Variants in AOPEP observed in about 807,000 individuals in gnomAD.
AOPEP encodes aminopeptidase O (putative), also known as aminopeptidase O.
Under a neutral mutation model 98.1 loss-of-function variants are expected in AOPEP, and 77 were observed. The observed-to-expected ratio is 0.78, with a 90% CI of 0.65 to 0.95. The LOEUF is 0.95. Among genes scored for constraint, AOPEP ranks in the 40% least tolerant of loss-of-function variants. The probability of loss-of-function intolerance (pLI) is 0.00; values close to 1 mark genes in which losing one functional copy is unlikely to be tolerated. For synonymous variants in AOPEP, 346 were observed against 365.3 expected, an observed-to-expected ratio of 0.95 and a Z score of 0.60; for missense variants, 1,024 against 1,024.7, an observed-to-expected ratio of 1.00 and a Z score of 0.01.
intron 5 of AOPEP, among the ~76,000 whole-genome samples, chr9:94,862,439 A>G (rs957062919): frequency 2.6e-5 from 4 of 152,172 alleles, no homozygotes; most frequent in South Asian, 2.1e-4. Flanking sequence ...CTGAGAAACC[A>G]TGTCCTGAGA....
At chr9:94,815,006 G>A (rs1851396688) in intron 5 of AOPEP, among the ~76,000 whole-genome samples, 1 of 152,156 alleles carries the variant, frequency 6.6e-6, no homozygotes, top group African/African-American at 2.4e-5. Context: ...ACGCTTGTGT[G>A]GGAAATTATT....
At chr9:95,043,905 G>A (rs1021819533) in intron 13 of AOPEP, among the ~76,000 whole-genome samples, 3 of 152,180 alleles carry the variant, frequency 2.0e-5, no homozygotes, top group Non-Finnish European at 4.4e-5. Context: ...TGATCCACCA[G>A]CCTCAGCAAA....
intron 5 of AOPEP, among the ~76,000 whole-genome samples, chr9:94,863,513 C>A (rs1289768039): frequency 6.6e-6 from 1 of 152,072 alleles, no homozygotes; most frequent in Non-Finnish European, 1.5e-5. Context: ...AACTCCTAAC[C>A]TCAGGTGATC....
At chr9:95,058,267 T>G (rs551308341) in intron 13 of AOPEP, among the ~76,000 whole-genome samples, 1 of 152,344 alleles carries the variant, frequency 6.6e-6, no homozygotes, top group East Asian at 1.9e-4. Context: ...TACTCAGGGT[T>G]TCTTTGCTCT....
intron 5 of AOPEP, among the ~76,000 whole-genome samples, chr9:94,867,941 C>T (rs2045892572): frequency 1.3e-5 from 2 of 152,134 alleles, no homozygotes; most frequent in South Asian, 2.1e-4. Context: ...AATGAGAGGC[C>T]GGACAGAGTA....
intron 5 of AOPEP, chr9:94,824,738 G>C (rs1204059347): frequency 6.6e-6 from 1 of 152,068 alleles, no homozygotes; most frequent in African/African-American, 2.4e-5. Flanking sequence ...CTTTTAACTT[G>C]GTGGAGAAAA....
the AOPEP span, among the ~76,000 whole-genome samples, chr9:95,128,249 C>T: frequency 2.6e-5 from 4 of 152,130 alleles, no homozygotes; most frequent in South Asian, 2.1e-4. Flanking sequence ...GAAAAGCAAC[C>T]GTATGTCTTG....
chr9:94,947,062 C>T (rs1177414991), intron 7 of AOPEP, among the ~76,000 whole-genome samples: 47 of 149,722 alleles, frequency 3.1e-4, no homozygotes, highest in African/African-American at 8.1e-4. Flanking sequence ...CTGCAAGCTC[C>T]GCCTCCTGGG....
intron 12 of AOPEP, 145 bp from the exon 13 acceptor site, chr9:95,005,397 C>T: frequency 1.1e-6 from 1 of 906,670 alleles, no homozygotes; most frequent in Non-Finnish European, 1.7e-6. Flanking sequence ...AGGCGCCCGG[C>T]GAGTTCCGCG....
At chr9:94,826,854 G>A (rs1489043534) in intron 5 of AOPEP, among the ~76,000 whole-genome samples, 2 of 152,120 alleles carry the variant, frequency 1.3e-5, no homozygotes, top group Non-Finnish European at 2.9e-5. Context: ...GTGATGAGTG[G>A]TCATGGCAAC....
chr9:95,071,529 C>T (rs375490504), intron 14 of AOPEP, among the ~76,000 whole-genome samples: 44 of 152,190 alleles, frequency 2.9e-4, no homozygotes, highest in African/African-American at 9.6e-4. Context: ...AGGAGCCATA[C>T]GTGCTTTTCT....
the AOPEP span, among the ~76,000 whole-genome samples, chr9:95,115,325 C>T: frequency 1.2e-4 from 19 of 152,146 alleles, no homozygotes; most frequent in Admixed American, 3.3e-4. Flanking sequence ...TGCCGGGTTG[C>T]GGATGCCCTA....
intron 1 of AOPEP, among the ~76,000 whole-genome samples, chr9:94,741,543 T>C (rs1319243338): frequency 6.6e-6 from 1 of 152,256 alleles, no homozygotes; most frequent in Non-Finnish European, 1.5e-5. Flanking sequence ...AGTGTTGAGA[T>C]TACGGGTGTG....
In AOPEP at chr9:94,915,005, C is replaced by A. The variant is rs115807605; in HGVS notation, c.1365-8981C>A. Among the ~76,000 whole-genome samples the A allele has an allele frequency of 4.5e-3, 681 of 152,336 alleles. 5 individuals carry two copies. The highest frequency in any genetic ancestry group is 0.016 in the African/African-American group (652 of 41,564). On this transcript the variant is annotated intron_variant, in intron 5 of 16. Transcript: ENST00000375315. ...GCTGTTTTCTTATCTAGCGGACCTACCTCCCGGTGCTTCTGATACCCGCTG... is the reference window on the plus strand; with the variant it reads ...GCTGTTTTCTTATCTAGCGGACCTAACTCCCGGTGCTTCTGATACCCGCTG...
intron 5 of AOPEP, among the ~76,000 whole-genome samples, chr9:94,844,225 T>A (rs936442455): frequency 6.6e-6 from 1 of 152,144 alleles, no homozygotes; most frequent in Admixed American, 6.6e-5. Flanking sequence ...CCAGCTAATT[T>A]TTCTGCTTTT....
At chr9:94,844,355 G>T (rs945188712) in intron 5 of AOPEP, among the ~76,000 whole-genome samples, 1 of 152,168 alleles carries the variant, frequency 6.6e-6, no homozygotes, top group Non-Finnish European at 1.5e-5. Context: ...ACTTTGAAAA[G>T]AAATTTGTAA....
chr9:95,101,766 T>G, the AOPEP span: 2 of 1,614,148 alleles, frequency 1.2e-6, no homozygotes, highest in Non-Finnish European at 1.7e-6. Context: ...GATCTAGGGC[T>G]TTCAATGCCA....
intron 5 of AOPEP, among the ~76,000 whole-genome samples, chr9:94,873,922 C>G (rs2046625844): frequency 6.6e-6 from 1 of 151,920 alleles, no homozygotes; most frequent in African/African-American, 2.4e-5. Flanking sequence ...CATCTTCTCT[C>G]AATGGAGGAT....
At chr9:94,914,312 C>A (rs1037246514) in intron 5 of AOPEP, among the ~76,000 whole-genome samples, 1 of 152,188 alleles carries the variant, frequency 6.6e-6, no homozygotes, top group Admixed American at 6.5e-5. Context: ...GAGCCCAAGC[C>A]CTGTCTGAAA....
Sources: gnomAD v4.1 joint callset for allele counts (sites outside exome capture counted in the v4.1 genomes callset) on GRCh38, gnomAD v4.1.1 for gene constraint, MANE v1.5 for transcripts, NCBI Gene and HGNC (gene_info 2026-07-23, HGNC 2026-07-21) for gene names.